AFF2: variants seen among roughly 807,000 people sequenced by gnomAD.
The protein encoded by AFF2 is AF4/FMR2 family member 2.
Under a neutral mutation model 76.9 loss-of-function variants are expected in AFF2, and 14 were observed. The observed-to-expected ratio is 0.18, with a 90% CI of 0.12 to 0.28. The LOEUF is 0.28. Among genes scored for constraint, AFF2 ranks in the 10% least tolerant of loss-of-function variants. The pLI, the probability that AFF2 is intolerant of heterozygous loss-of-function variation, is 1.00. For missense variants in AFF2, 868 were observed against 1,001.1 expected, an observed-to-expected ratio of 0.87 and a Z score of 1.79; for synonymous variants, 398 against 366.7, an observed-to-expected ratio of 1.09 and a Z score of -0.98.
At chrX:148,781,827 G>T (rs1260106673) in intron 3 of AFF2, among the ~76,000 whole-genome samples, 1 of 111,892 alleles carries the variant, frequency 8.9e-6, no homozygotes, top group African/African-American at 3.3e-5. Flanking sequence ...GGCCCTTGTG[G>T]TGTAGGCACC....
chrX:148,955,052 T>G (rs374275094), intron 10 of AFF2, among the ~76,000 whole-genome samples: 22 of 112,995 alleles, frequency 1.9e-4, no homozygotes, highest in African/African-American at 7.1e-4. Context: ...TTTTTGGAAG[T>G]AAAATCTTTT....
At chrX:148,668,510 C>T (rs1411786698) in intron 3 of AFF2, among the ~76,000 whole-genome samples, 1 of 112,650 alleles carries the variant, frequency 8.9e-6, no homozygotes, top group Admixed American at 9.3e-5. Context: ...GGTATCCAGG[C>T]ATTTCCATAC....
intron 3 of AFF2, among the ~76,000 whole-genome samples, chrX:148,745,979 G>C (rs2055416315): frequency 9.0e-6 from 1 of 110,981 alleles, no homozygotes; most frequent in South Asian, 3.8e-4. Context: ...CTGACCTCAA[G>C]TGATCCACCC....
intron 3 of AFF2, among the ~76,000 whole-genome samples, chrX:148,756,095 T>C (rs1222890990): frequency 8.9e-6 from 1 of 112,355 alleles, no homozygotes; most frequent in East Asian, 2.8e-4. Flanking sequence ...AACTGTCTCT[T>C]TCTAGCTGTA....
At chrX:148,936,087 GTACA>G (rs1557285009) in intron 9 of AFF2, among the ~76,000 whole-genome samples, 1 of 111,028 alleles carries the variant, frequency 9.0e-6, no homozygotes, top group Non-Finnish European at 1.9e-5. Context: ...AATCTTAAAA[GTACA>G]TAAGGTCTGT....
intron 8 of AFF2, among the ~76,000 whole-genome samples, chrX:148,893,885 C>CCTT (rs1338184421): frequency 2.7e-5 from 3 of 111,547 alleles, no homozygotes; most frequent in Non-Finnish European, 5.7e-5. Flanking sequence ...ATCATGTTGC[C>CCTT]CTTTCTGGGC....
intron 5 of AFF2, among the ~76,000 whole-genome samples, chrX:148,839,899 G>GTT (rs1557274140): frequency 1.0e-5 from 1 of 95,926 alleles, no homozygotes; most frequent in Non-Finnish European, 2.0e-5. Flanking sequence ...GGCATGGTGT[G>GTT]TGTGTGTGTG....
intron 1 of AFF2, among the ~76,000 whole-genome samples, chrX:148,636,862 GAC>G (rs1343883762): frequency 1.8e-5 from 2 of 111,271 alleles, no homozygotes; most frequent in African/African-American, 3.3e-5. Context: ...TAGATTTAAA[GAC>G]ACAGTTATTG....
chrX:148,765,132 C>A (rs1047534614), intron 3 of AFF2, among the ~76,000 whole-genome samples: 1 of 112,092 alleles, frequency 8.9e-6, no homozygotes, highest in Non-Finnish European at 1.9e-5. Context: ...GCGATCCTCA[C>A]GCCTCGACCT....
At chrX:148,623,714 CAG>C (rs1343066867) in intron 1 of AFF2, among the ~76,000 whole-genome samples, 2 of 109,186 alleles carry the variant, frequency 1.8e-5, no homozygotes, top group Admixed American at 2.0e-4. Context: ...TAAAAATAAA[CAG>C]ATAATCTGTT....
In AFF2 at chrX:148,851,422, G is replaced by A. The variant is rs185848133; in HGVS notation, c.1262+7989G>A. On this transcript the variant is annotated intron_variant, in intron 7 of 20. Transcript: ENST00000370460. ...AGAGTAGGTGGGATGGAGTAGATGG[G>A]GTTGGGGTAGGTCTTCTGAAAACCA... Among the ~76,000 whole-genome samples, 699 of 112,136 alleles carry A rather than the reference G, an allele frequency of 6.2e-3. 10 individuals carry two copies. The highest frequency in any genetic ancestry group is 0.022 in the African/African-American group (670 of 30,882).
chrX:148,719,539 A>G (rs1345896994), intron 3 of AFF2, among the ~76,000 whole-genome samples: 1 of 111,913 alleles, frequency 8.9e-6, no homozygotes, highest in African/African-American at 3.2e-5. Flanking sequence ...TTCTCACATC[A>G]GAAAGTGAAC....
chrX:148,759,604 A>G (rs782019720), intron 3 of AFF2, among the ~76,000 whole-genome samples: 14 of 112,031 alleles, frequency 1.2e-4, no homozygotes, highest in South Asian at 3.7e-4. Context: ...CATTATTGTA[A>G]CCACTGAATG....
intron 13 of AFF2, 151 bp from the exon 14 acceptor site, chrX:148,966,639 C>T (rs782475108): frequency 3.8e-6 from 4 of 1,058,902 alleles, no homozygotes; most frequent in Non-Finnish European, 5.0e-6. Context: ...TATCCAGGGT[C>T]ACCTATTTAT....
intron 3 of AFF2, among the ~76,000 whole-genome samples, chrX:148,725,324 C>T (rs189394094): frequency 1.8e-5 from 2 of 110,912 alleles, no homozygotes; most frequent in African/African-American, 6.5e-5. Context: ...AGTGTGATTT[C>T]CTGGGAGGTG....
intron 3 of AFF2, among the ~76,000 whole-genome samples, chrX:148,761,470 T>G (rs1268392559): frequency 2.8e-5 from 3 of 108,305 alleles, no homozygotes; most frequent in African/African-American, 6.8e-5. Flanking sequence ...TTTTTTTGTT[T>G]TTTTTTTTTT....
intron 3 of AFF2, among the ~76,000 whole-genome samples, chrX:148,757,157 A>C: frequency 8.9e-6 from 1 of 112,716 alleles, no homozygotes; most frequent in East Asian, 2.8e-4. Flanking sequence ...AGGAGCTTAC[A>C]AATTACAAAT....
At position 148,566,529 on chromosome X, in the gene AFF2, G is replaced by A. The variant is rs1018858200; in HGVS notation, c.47+65385G>A. Among the ~76,000 whole-genome samples, 8 of 111,238 alleles carry A rather than the reference G, an allele frequency of 7.2e-5. No individual in the cohort carries two copies. The Admixed American group carries it at 7.7e-4, about 11-fold the overall frequency. On this transcript the variant is annotated intron_variant, in intron 1 of 20. Transcript: ENST00000370460. ...CAGAGCAATGAAATGCAGCAATTCA[G>A]TGACAGTTGCATCCCCCTTAGGTTC... is the stretch of plus-strand genomic sequence containing the variant.
At chrX:148,770,873 C>T (rs938417814) in intron 3 of AFF2, among the ~76,000 whole-genome samples, 1 of 111,966 alleles carries the variant, frequency 8.9e-6, no homozygotes, top group Non-Finnish European at 1.9e-5. Context: ...TTTCCTGAAG[C>T]GCCTGCTTAC....
Sources: allele counts gnomAD v4.1 joint callset (sites outside exome capture counted in the v4.1 genomes callset), GRCh38; gene constraint gnomAD v4.1.1; transcripts MANE v1.5; gene names NCBI Gene and HGNC (gene_info 2026-07-23, HGNC 2026-07-21).